The following RNF217 variants were observed in gnomAD, a reference collection of about 807,000 sequenced individuals.
The protein encoded by RNF217 is ring finger protein 217.
A neutral mutation model predicts 57.8 loss-of-function variants in RNF217; 31 were observed. That is an observed-to-expected ratio of 0.54 (90% CI 0.40 to 0.72). The LOEUF (loss-of-function observed/expected upper bound fraction) is 0.72. Among genes scored for constraint, RNF217 ranks in the 30% least tolerant of loss-of-function variants. RNF217 has a pLI of 0.00. For synonymous variants in RNF217, 313 were observed against 294.0 expected, an observed-to-expected ratio of 1.06 and a Z score of -0.66; for missense variants, 696 against 708.3, an observed-to-expected ratio of 0.98 and a Z score of 0.20.
chr6:125,081,382 A>G (rs2114655683), intron 4 of RNF217, 54 bp from the exon 5 acceptor site: 1 of 1,324,638 alleles, frequency 7.5e-7, no homozygotes, highest in Non-Finnish European at 1.1e-6. Context: ...CACTGTAATT[A>G]TTTGGTAGGT....
chr6:125,019,884 A>T (rs1405964226), intron 1 of RNF217, among the ~76,000 whole-genome samples: 2 of 151,930 alleles, frequency 1.3e-5, no homozygotes, highest in Non-Finnish European at 2.9e-5. Flanking sequence ...TTAAAATAAC[A>T]TGTTGCCATT....
chr6:125,029,695 C>G (rs191114596), intron 1 of RNF217, among the ~76,000 whole-genome samples: 30 of 152,178 alleles, frequency 2.0e-4, no homozygotes, highest in African/African-American at 6.7e-4. Flanking sequence ...TTTAAAGTGT[C>G]AAACGTTGAT....
chr6:125,079,006 C>T (rs1011961538), intron 4 of RNF217, among the ~76,000 whole-genome samples: 13 of 152,180 alleles, frequency 8.5e-5, no homozygotes, highest in African/African-American at 2.7e-4. Flanking sequence ...TGTGATGTGA[C>T]ACAACTTGCT....
chr6:124,988,048 T>TACCACCTGAGCTCCGCCTC (rs1288214038), intron 1 of RNF217, among the ~76,000 whole-genome samples: 1 of 152,132 alleles, frequency 6.6e-6, no homozygotes, highest in African/African-American at 2.4e-5. Context: ...GAGCGAGCAT[T>TACCACCTGAGCTCCGCCTC]ACCACCTGAG....
At chr6:125,000,196 G>C (rs1031072508) in intron 1 of RNF217, among the ~76,000 whole-genome samples, 1 of 151,818 alleles carries the variant, frequency 6.6e-6, no homozygotes, top group African/African-American at 2.4e-5. Context: ...TTGCCACATC[G>C]TACCATTATT....
intron 4 of RNF217, among the ~76,000 whole-genome samples, chr6:125,079,057 G>A (rs1267088827): frequency 6.6e-6 from 1 of 152,166 alleles, no homozygotes; most frequent in Non-Finnish European, 1.5e-5. Context: ...TCCTTGGCCA[G>A]AGGCAGAGAA....
At chr6:125,022,489 C>T (rs1327586598) in intron 1 of RNF217, among the ~76,000 whole-genome samples, 1 of 152,192 alleles carries the variant, frequency 6.6e-6, no homozygotes, top group Non-Finnish European at 1.5e-5. Flanking sequence ...TCCTTCTCTA[C>T]ATCTCTGCCC....
intron 1 of RNF217, among the ~76,000 whole-genome samples, chr6:124,973,688 A>G (rs995702088): frequency 6.6e-6 from 1 of 152,196 alleles, no homozygotes; most frequent in Non-Finnish European, 1.5e-5. Context: ...ACTTGCATCA[A>G]TCCAGTGAAC....
intron 4 of RNF217, among the ~76,000 whole-genome samples, chr6:125,077,969 G>A (rs1017811941): frequency 1.1e-4 from 17 of 152,046 alleles, no homozygotes; most frequent in African/African-American, 3.9e-4. Context: ...ACATGTATAC[G>A]CAAATGCACT....
intron 1 of RNF217, among the ~76,000 whole-genome samples, chr6:125,032,075 A>G (rs1029528350): frequency 6.6e-6 from 1 of 152,278 alleles, no homozygotes; most frequent in East Asian, 1.9e-4. Flanking sequence ...CATTATCACA[A>G]GAATAGCATG....
At chr6:125,070,008 T>A (rs562841) in intron 3 of RNF217, among the ~76,000 whole-genome samples, 3,474 of 152,204 alleles carry the variant, frequency 0.023, 121 homozygotes, top group African/African-American at 0.078. Flanking sequence ...TTTCCCACTC[T>A]TACCTCCTAT....
At chr6:125,046,180 G>A (rs1402368684) in intron 2 of RNF217, among the ~76,000 whole-genome samples, 1 of 152,090 alleles carries the variant, frequency 6.6e-6, no homozygotes, top group African/African-American at 2.4e-5. Context: ...CTAAGGCCAG[G>A]CTTCTTGTAA....
chr6:125,079,806 A>G (rs2114651386), intron 4 of RNF217, among the ~76,000 whole-genome samples: 1 of 152,238 alleles, frequency 6.6e-6, no homozygotes, highest in Non-Finnish European at 1.5e-5. Context: ...AAAATTAAGT[A>G]TAGGAATATT....
chr6:124,965,170 A>T (rs972368630), intron 1 of RNF217, among the ~76,000 whole-genome samples: 1 of 152,206 alleles, frequency 6.6e-6, no homozygotes, highest in African/African-American at 2.4e-5. Flanking sequence ...CAACCACTAA[A>T]AACTCCTCTG....
At position 125,076,689 on chromosome 6, in the gene RNF217, T is replaced by C. The variant is rs752209665; in HGVS notation, c.1314T>C (p.His438=). Residue 438 remains histidine (H), a synonymous_variant, in exon 4 of 6, where the codon CAT becomes CAC. Transcript: ENST00000521654. ...TCCAGCGAACTGAAGGATGTGACCA[T>C]ATGACCTGCTCACAATGTAACACTA... is the stretch of plus-strand genomic sequence containing the variant. ...IHIQRTEGCD[H]MTCSQCNTNF... The C allele has an allele frequency of 1.2e-6, 2 of 1,612,638 alleles. No individual in the cohort carries two copies. The highest frequency in any genetic ancestry group is 4.5e-5 in the East Asian group (2 of 44,856).
chr6:125,090,321 A>G lies in RNF217; in HGVS notation c.*7384A>G, dbSNP rs1410812306. 1 of 152,042 alleles carries G rather than the reference A, an allele frequency of 6.6e-6. No individual in the cohort carries two copies. Among genetic ancestry groups the G allele is most frequent in the East Asian group, 1.9e-4 (1 of 5,194 alleles). 9.4% of individuals were successfully genotyped at this position (152,042 alleles called of 1,614,324 possible). ...GATGACAGAAATGATTTTCTGTAGAAGGAACACAACAGTGATGTTAAAATG... is the reference window on the plus strand; with the variant it reads ...GATGACAGAAATGATTTTCTGTAGAGGGAACACAACAGTGATGTTAAAATG... On this transcript the variant is annotated 3_prime_UTR_variant, in exon 6 of 6. Coordinates refer to ENST00000521654, the MANE Select transcript of RNF217 (RefSeq NM_001286398.3).
At chr6:125,000,078 A>G (rs897659935) in intron 1 of RNF217, among the ~76,000 whole-genome samples, 4 of 152,100 alleles carry the variant, frequency 2.6e-5, no homozygotes, top group Non-Finnish European at 5.9e-5. Flanking sequence ...AGCTAGAGAA[A>G]CCTTGGCTTA....
intron 1 of RNF217, among the ~76,000 whole-genome samples, chr6:124,985,325 A>G (rs1784332644): frequency 6.6e-6 from 1 of 152,192 alleles, no homozygotes; most frequent in Non-Finnish European, 1.5e-5. Context: ...CGGATACATA[A>G]TAGGTATGTA....
chr6:124,963,063 G>T lies in RNF217; in HGVS notation c.519G>T (p.Leu173=). Residue 173 remains leucine (L), a synonymous_variant, in exon 1 of 6, where the codon CTG becomes CTT. Transcript: ENST00000521654. ...CCGTGTACTGCGTGGAGAGCGACCT[G>T]CCCGAGGCCCCCGCCTCGGAGCAGC... ...FCSVYCVESD[L]PEAPASEQLS... 1 of 1,565,194 alleles carries T rather than the reference G, an allele frequency of 6.4e-7. No individual in the cohort carries two copies. Among genetic ancestry groups the T allele is most frequent in the Non-Finnish European group, 8.6e-7 (1 of 1,163,470 alleles).
Sources: gnomAD v4.1 joint callset for allele counts (sites outside exome capture counted in the v4.1 genomes callset) on GRCh38, gnomAD v4.1.1 for gene constraint, MANE v1.5 for transcripts, NCBI Gene and HGNC (gene_info 2026-07-23, HGNC 2026-07-21) for gene names.